RGS6: variants seen among roughly 807,000 people sequenced by gnomAD.
The protein encoded by RGS6 is regulator of G protein signaling 6, also known as regulator of G-protein signaling 6.
In RGS6, 30 loss-of-function variants were observed where a neutral mutation model predicts 78.5. The observed-to-expected ratio is 0.38, with a 90% CI of 0.29 to 0.52. The LOEUF is 0.52. Ranked by LOEUF, RGS6 falls within the 20% of genes least tolerant of loss-of-function variation. The pLI is 0.85. For synonymous variants in RGS6, 206 were observed against 206.0 expected (o/e 1.00, Z 0.00); for missense variants, 495 against 609.7 (o/e 0.81, Z 1.98).
At chr14:71,964,727 T>C in intron 1 of RGS6, 45 bp from the exon 2 acceptor site, 19 of 1,368,572 alleles carry the variant, frequency 1.4e-5, no homozygotes, top group Non-Finnish European at 1.9e-5. Context: ...GCCCTCTTTA[T>C]ATAATTCCTT....
At chr14:72,555,434 G>A (rs900979399) in intron 17 of RGS6, among the ~76,000 whole-genome samples, 12 of 152,230 alleles carry the variant, frequency 7.9e-5, no homozygotes, top group Non-Finnish European at 1.3e-4. Context: ...AGGGGAAGCC[G>A]CTTCGCAGCA....
At chr14:72,422,643 G>C (rs1415285687) in intron 3 of RGS6, among the ~76,000 whole-genome samples, 2 of 152,216 alleles carry the variant, frequency 1.3e-5, no homozygotes, top group Non-Finnish European at 2.9e-5. Context: ...AGATTGGGGA[G>C]TGGGTGCCCA....
At chr14:72,382,450 T>C (rs1044215398) in intron 3 of RGS6, among the ~76,000 whole-genome samples, 15 of 152,322 alleles carry the variant, frequency 9.8e-5, no homozygotes, top group South Asian at 8.3e-4. Flanking sequence ...ATGCCAGGTA[T>C]GCACAAGTGT....
chr14:72,303,012 GC>G (rs1326071583), intron 2 of RGS6, among the ~76,000 whole-genome samples: 1 of 152,172 alleles, frequency 6.6e-6, no homozygotes, highest in African/African-American at 2.4e-5. Flanking sequence ...TTTGCCTTCT[GC>G]CATGATTGTG....
intron 2 of RGS6, among the ~76,000 whole-genome samples, chr14:72,351,503 A>C (rs1459034530): frequency 1.3e-5 from 2 of 152,164 alleles, no homozygotes; most frequent in African/African-American, 2.4e-5. Flanking sequence ...TAAAATAGCT[A>C]TCCACATACC....
At chr14:72,170,384 G>A (rs1291612509) in intron 2 of RGS6, among the ~76,000 whole-genome samples, 1 of 152,200 alleles carries the variant, frequency 6.6e-6, no homozygotes, top group Non-Finnish European at 1.5e-5. Flanking sequence ...CTCTGTAAAT[G>A]TTCCTAGCTC....
chr14:72,175,029 C>G (rs937197481), intron 2 of RGS6, among the ~76,000 whole-genome samples: 6 of 152,296 alleles, frequency 3.9e-5, no homozygotes, highest in Non-Finnish European at 5.9e-5. Flanking sequence ...ATTGATTTAC[C>G]TGTCTTGGAG....
At chr14:72,408,306 T>TG (rs1457035768) in intron 3 of RGS6, among the ~76,000 whole-genome samples, 1 of 152,194 alleles carries the variant, frequency 6.6e-6, no homozygotes, top group Admixed American at 6.5e-5. Context: ...CAATTGTGTG[T>TG]TTTTTGATGA....
At chr14:72,606,702 T>G in the RGS6 span, among the ~76,000 whole-genome samples, 13 of 152,360 alleles carry the variant, frequency 8.5e-5, no homozygotes, top group Non-Finnish European at 1.9e-4. Flanking sequence ...TGTTGAAATG[T>G]GATCCCCAGT....
intron 2 of RGS6, among the ~76,000 whole-genome samples, chr14:72,173,658 G>A (rs2097059906): frequency 6.6e-6 from 1 of 152,078 alleles, no homozygotes; most frequent in African/African-American, 2.4e-5. Flanking sequence ...CTCAAGAGCT[G>A]TTTATCTGGG....
intron 17 of RGS6, chr14:72,552,765 G>A (rs1253430438): frequency 1.3e-5 from 2 of 152,176 alleles, no homozygotes; most frequent in Non-Finnish European, 2.9e-5. Flanking sequence ...GGACCCCTGG[G>A]GTGGGCACTC....
At chr14:72,039,992 C>T (rs951752987) in intron 2 of RGS6, among the ~76,000 whole-genome samples, 2 of 151,882 alleles carry the variant, frequency 1.3e-5, no homozygotes, top group Non-Finnish European at 2.9e-5. Flanking sequence ...TCCTTTACAT[C>T]CCCCGTCCTA....
chr14:72,292,281 G>A (rs1024297332), intron 2 of RGS6, among the ~76,000 whole-genome samples: 5 of 152,170 alleles, frequency 3.3e-5, no homozygotes, highest in African/African-American at 1.2e-4. Context: ...CTCTCTTCTG[G>A]CACAGTGGCT....
intron 6 of RGS6, among the ~76,000 whole-genome samples, chr14:72,459,894 G>A (rs769779898): frequency 3.3e-5 from 5 of 152,198 alleles, no homozygotes; most frequent in African/African-American, 4.8e-5. Flanking sequence ...AGTCCTTGGA[G>A]GGGAAGCAGG....
Position 72,527,106 on chromosome 14 carries a change from T to C in RGS6, c.1278+8569T>C, listed in dbSNP as rs539955618. On this transcript the variant is annotated intron_variant, in intron 15 of 17. Transcript: ENST00000553525. ...TCAAGTATAGATGGCAAGTTGTGCA[T>C]GGACTGCCTGTTAAGTGAGAAACCA... Among the ~76,000 whole-genome samples the C allele has an allele frequency of 1.1e-4, 17 of 152,322 alleles. No homozygotes were observed. The East Asian group carries it at 3.3e-3, about 29-fold the overall frequency.
At chr14:72,601,704 A>C in the RGS6 span, among the ~76,000 whole-genome samples, 2 of 152,246 alleles carry the variant, frequency 1.3e-5, no homozygotes, top group Non-Finnish European at 2.9e-5. Flanking sequence ...TGTATCCCGT[A>C]AATATGTACA....
At chr14:72,611,146 A>G in the RGS6 span, among the ~76,000 whole-genome samples, 100,971 of 151,982 alleles carry the variant, frequency 0.66, 35,096 homozygotes, top group East Asian at 0.88. Context: ...GCTCTGAGCC[A>G]ACATCCACAC....
At chr14:72,540,926 T>C in intron 17 of RGS6, 1 of 985,412 alleles carries the variant, frequency 1.0e-6, no homozygotes, top group Non-Finnish European at 1.2e-6. Context: ...TCCGTGGCTG[T>C]TCCCTGGGGT....
chr14:71,914,907 CATAAG>C, the RGS6 span, among the ~76,000 whole-genome samples: 1 of 151,684 alleles, frequency 6.6e-6, no homozygotes, highest in Non-Finnish European at 1.5e-5. Flanking sequence ...TACAGAGTGA[CATAAG>C]AAATGAATGT....
Sources: gnomAD v4.1 joint callset for allele counts (sites outside exome capture counted in the v4.1 genomes callset) on GRCh38, gnomAD v4.1.1 for gene constraint, MANE v1.5 for transcripts, NCBI Gene and HGNC (gene_info 2026-07-23, HGNC 2026-07-21) for gene names.